TAF4B: variants seen among roughly 807,000 people sequenced by gnomAD.
TAF4B encodes TATA-box binding protein associated factor 4b, also known as transcription initiation factor TFIID subunit 4B.
A neutral mutation model predicts 86.4 loss-of-function variants in TAF4B; 38 were observed. That is an observed-to-expected ratio of 0.44 (90% CI 0.34 to 0.58). TAF4B has a LOEUF of 0.58. Among genes scored for constraint, TAF4B ranks in the 20% least tolerant of loss-of-function variants. The pLI is 0.02. For missense variants in TAF4B, 988 were observed against 1,027.6 expected, an observed-to-expected ratio of 0.96 and a Z score of 0.53; for synonymous variants, 388 against 391.2, an observed-to-expected ratio of 0.99 and a Z score of 0.10.
At chr18:26,241,738 C>A (rs931810761) in intron 1 of TAF4B, among the ~76,000 whole-genome samples, 3 of 152,136 alleles carry the variant, frequency 2.0e-5, no homozygotes, top group African/African-American at 7.2e-5. Context: ...TATAAATTTC[C>A]CTCTACACAC....
chr18:26,336,331 C>T (rs2057091097), intron 13 of TAF4B, among the ~76,000 whole-genome samples: 1 of 152,084 alleles, frequency 6.6e-6, no homozygotes, highest in African/African-American at 2.4e-5. Context: ...GCAGTTGGCT[C>T]CTAGGTGCCA....
At chr18:26,372,302 C>G (rs1290210065) in intron 14 of TAF4B, among the ~76,000 whole-genome samples, 1 of 152,120 alleles carries the variant, frequency 6.6e-6, no homozygotes, top group Admixed American at 6.5e-5. Context: ...TATTACATTC[C>G]CATTCACCTT....
At chr18:26,362,571 G>A (rs565818704) in intron 14 of TAF4B, among the ~76,000 whole-genome samples, 96 of 152,218 alleles carry the variant, frequency 6.3e-4, no homozygotes, top group African/African-American at 2.3e-3. Context: ...GGAGAAAACC[G>A]AATGTGCTGT....
Position 26,383,293 on chromosome 18 carries a change from A to G in TAF4B, c.2422-6552A>G, listed in dbSNP as rs544943725. Among the ~76,000 whole-genome samples, 4 of 152,304 alleles carry G rather than the reference A, an allele frequency of 2.6e-5. No homozygotes were observed. The East Asian group carries it at 5.8e-4, about 22-fold the overall frequency. ...CAGTGTAAGCAATATTAACACTGGA[A>G]ATAGGGAGGTTTTTTAGAAGGCTGT... is the stretch of plus-strand genomic sequence containing the variant. On this transcript the variant is annotated intron_variant, in intron 14 of 14. Transcript: ENST00000269142.
In TAF4B at chr18:26,315,140, C is replaced by CTG. The variant is rs1568147920; in HGVS notation, c.1833-88_1833-87insGT. On this transcript the variant is annotated intron_variant, in intron 9 of 14. Transcript: ENST00000269142. ...TCTCTCTCTCTCTCTCTCTCTCTCT[C>CTG]TCTCTGTCTCTCTCTCTCTCTCACA... The CTG allele has an allele frequency of 3.7e-3, 979 of 263,572 alleles. 1 individual carries two copies. The highest frequency in any genetic ancestry group is 6.7e-3 in the Middle Eastern group (6 of 902). The allele number at this position is 263,572 out of a possible 1,614,324, so 16.3% of individuals were successfully genotyped here.
chr18:26,386,175 C>A (rs1352011272), intron 14 of TAF4B, among the ~76,000 whole-genome samples: 1 of 152,026 alleles, frequency 6.6e-6, no homozygotes, highest in Non-Finnish European at 1.5e-5. Context: ...TCTGCTGCAT[C>A]CTGTTGGAAT....
At chr18:26,270,554 A>G (rs1039876322) in intron 3 of TAF4B, among the ~76,000 whole-genome samples, 3 of 152,192 alleles carry the variant, frequency 2.0e-5, no homozygotes, top group Non-Finnish European at 4.4e-5. Flanking sequence ...GGGCTCAAGC[A>G]AATCCTCCCG....
At chr18:26,354,935 A>G (rs556181059) in intron 13 of TAF4B, among the ~76,000 whole-genome samples, 1 of 152,338 alleles carries the variant, frequency 6.6e-6, no homozygotes, top group East Asian at 1.9e-4. Context: ...ATCCATATCC[A>G]CAACAAAATT....
At chr18:26,257,746 C>G (rs1160605886) in intron 1 of TAF4B, among the ~76,000 whole-genome samples, 1 of 151,760 alleles carries the variant, frequency 6.6e-6, no homozygotes, top group East Asian at 1.9e-4. Flanking sequence ...CAATATGAAC[C>G]TCATTGGAAT....
At chr18:26,261,357 C>A (rs1225642298) in intron 1 of TAF4B, among the ~76,000 whole-genome samples, 1 of 151,488 alleles carries the variant, frequency 6.6e-6, no homozygotes, top group East Asian at 1.9e-4. Context: ...CCCGCCACTA[C>A]GCCCGGCTAA....
At chr18:26,236,781 T>C (rs2055754381) in intron 1 of TAF4B, among the ~76,000 whole-genome samples, 1 of 152,156 alleles carries the variant, frequency 6.6e-6, no homozygotes, top group South Asian at 2.1e-4. Context: ...GTCCCTATTA[T>C]AGAACACTGA....
At chr18:26,306,860 C>T (rs1461926305) in intron 9 of TAF4B, among the ~76,000 whole-genome samples, 1 of 152,066 alleles carries the variant, frequency 6.6e-6, no homozygotes, top group Non-Finnish European at 1.5e-5. Context: ...TCACTGCAAG[C>T]TCTGCCTCCT....
intron 3 of TAF4B, among the ~76,000 whole-genome samples, chr18:26,273,887 G>T (rs2056350879): frequency 6.6e-6 from 1 of 152,140 alleles, no homozygotes; most frequent in Non-Finnish European, 1.5e-5. Context: ...TTAAATGATG[G>T]TGCATTGTTC....
intron 9 of TAF4B, among the ~76,000 whole-genome samples, chr18:26,310,797 C>G (rs1232314508): frequency 6.6e-6 from 1 of 151,898 alleles, no homozygotes; most frequent in Non-Finnish European, 1.5e-5. Context: ...CCAGTTACCA[C>G]TTTTTTTCAG....
intron 6 of TAF4B, among the ~76,000 whole-genome samples, chr18:26,285,223 T>TTTTTGTTTTTG (rs1491271389): frequency 5.1e-5 from 4 of 78,280 alleles, no homozygotes; most frequent in African/African-American, 8.7e-5. Context: ...TTTTTTTTTG[T>TTTTTGTTTTTG]TTTTTTTTTT....
intron 13 of TAF4B, 75 bp from the exon 14 acceptor site, chr18:26,357,615 C>CT: frequency 1.0e-6 from 1 of 978,542 alleles, no homozygotes. Context: ...CAGAATTAGG[C>CT]TTAGTAATCA....
intron 9 of TAF4B, among the ~76,000 whole-genome samples, chr18:26,305,554 G>A (rs1216390016): frequency 2.6e-5 from 4 of 152,042 alleles, no homozygotes; most frequent in East Asian, 1.9e-4. Context: ...CTACAGGCAC[G>A]CGCCACCACT....
At chr18:26,279,404 A>G (rs1180424971) in intron 5 of TAF4B, among the ~76,000 whole-genome samples, 1 of 152,178 alleles carries the variant, frequency 6.6e-6, no homozygotes, top group East Asian at 1.9e-4. Flanking sequence ...TCATTAAAAT[A>G]GCCATACTGC....
intron 13 of TAF4B, among the ~76,000 whole-genome samples, chr18:26,346,612 C>T (rs2057181252): frequency 6.7e-6 from 1 of 150,062 alleles, no homozygotes; most frequent in South Asian, 2.1e-4. Context: ...AATGTCAATT[C>T]ACAAATAAAG....
Sources: allele counts gnomAD v4.1 joint callset (sites outside exome capture counted in the v4.1 genomes callset), GRCh38; gene constraint gnomAD v4.1.1; transcripts MANE v1.5; gene names NCBI Gene and HGNC (gene_info 2026-07-23, HGNC 2026-07-21).